Variants in GDNF observed in about 807,000 individuals in gnomAD.
The protein encoded by GDNF is glial cell line-derived neurotrophic factor.
GDNF carries 5 observed loss-of-function variants against 13.7 expected under a neutral mutation model. That is an observed-to-expected ratio of 0.36 (90% CI 0.19 to 0.77). GDNF has a LOEUF of 0.77. Among genes scored for constraint, GDNF ranks in the 30% least tolerant of loss-of-function variants. The pLI is 0.51. For synonymous variants in GDNF, 122 were observed against 112.5 expected, an observed-to-expected ratio of 1.08 and a Z score of -0.53; for missense variants, 246 against 274.3, an observed-to-expected ratio of 0.90 and a Z score of 0.73.
At chr5:37,817,621 G>GTGTT (rs1749980297) in intron 2 of GDNF, among the ~76,000 whole-genome samples, 1 of 151,846 alleles carries the variant, frequency 6.6e-6, no homozygotes, top group Admixed American at 6.6e-5. Context: ...GTGTGTGTGT[G>GTGTT]TGTGTGTGTA....
At chr5:37,833,471 A>G (rs1018401216) in intron 2 of GDNF, among the ~76,000 whole-genome samples, 8 of 152,198 alleles carry the variant, frequency 5.3e-5, no homozygotes, top group African/African-American at 1.7e-4. Context: ...TCCACTTTCT[A>G]TCTTTCTTGG....
At chr5:37,819,221 C>T (rs1239148530) in intron 2 of GDNF, among the ~76,000 whole-genome samples, 13 of 152,052 alleles carry the variant, frequency 8.5e-5, no homozygotes. Context: ...TGAAATGCTC[C>T]AAAGTAAACA....
chr5:37,818,726 A>G (rs1750018186), intron 2 of GDNF, among the ~76,000 whole-genome samples: 1 of 152,070 alleles, frequency 6.6e-6, no homozygotes, highest in Admixed American at 6.6e-5. Context: ...CTCTGCCTGG[A>G]CCCTTGGCCT....
In GDNF at chr5:37,815,421, TTCTC is replaced by T; in HGVS notation, c.*226_*229del. The T allele has an allele frequency of 1.7e-6, 1 of 581,358 alleles. No individual in the cohort carries two copies. Among genetic ancestry groups the T allele is most frequent in the South Asian group, 2.0e-5 (1 of 50,398 alleles). 36.0% of individuals were successfully genotyped at this position (581,358 alleles called of 1,614,324 possible). On this transcript the variant is annotated 3_prime_UTR_variant, in exon 3 of 3. Coordinates refer to ENST00000326524, the MANE Select transcript of GDNF (RefSeq NM_000514.4). The surrounding 1 kb of genome is among the most constrained non-coding windows in gnomAD (Gnocchi z 5.0). ...ATCCTGGAGAATCCAGAGGGCTGTT[TTCTC>T]TCTCTCCTGTCCAGTTGTCTGTAGC... is the stretch of plus-strand genomic sequence containing the variant.
At chr5:37,836,583 A>G (rs1409359508) in intron 1 of GDNF, among the ~76,000 whole-genome samples, 2 of 152,194 alleles carry the variant, frequency 1.3e-5, no homozygotes, top group African/African-American at 4.8e-5. Context: ...AGACACAGGA[A>G]AACTGCACCA....
At chr5:37,836,121 G>A (rs1448233479) in intron 1 of GDNF, among the ~76,000 whole-genome samples, 3 of 152,110 alleles carry the variant, frequency 2.0e-5, no homozygotes, top group Non-Finnish European at 4.4e-5. Flanking sequence ...CTCCTCAAGC[G>A]GAATCTGCGA....
chr5:37,837,818 C>T lies in GDNF; in HGVS notation c.-27+1689G>A, dbSNP rs923526607. Among the ~76,000 whole-genome samples, 13 of 152,214 alleles carry T rather than the reference C, an allele frequency of 8.5e-5. No homozygotes were observed. Among genetic ancestry groups the T allele is most frequent in the Admixed American group, 2.0e-4 (3 of 15,298 alleles). On this transcript the variant is annotated intron_variant, in intron 1 of 2. Coordinates refer to ENST00000326524, the MANE Select transcript of GDNF (RefSeq NM_000514.4). This position sits in a 1 kb window ranked among gnomAD's most constrained non-coding sequence, Gnocchi z 6.5. ...CCTGCTTTCAGACCATCCCTCACCCCTTCCACGCGTCACCGTGACAGATTC... is the reference window on the plus strand; with the variant it reads ...CCTGCTTTCAGACCATCCCTCACCCTTTCCACGCGTCACCGTGACAGATTC...
At chr5:37,827,777 C>G (rs1750379968) in intron 2 of GDNF, among the ~76,000 whole-genome samples, 1 of 152,140 alleles carries the variant, frequency 6.6e-6, no homozygotes. Flanking sequence ...TTTCCATGAA[C>G]TAAATAAACT....
chr5:37,834,910 C>CCTCGTCACCG, intron 1 of GDNF, 88 bp from the exon 2 acceptor site: 1 of 1,203,640 alleles, frequency 8.3e-7, no homozygotes, highest in Non-Finnish European at 1.2e-6. Context: ...CCCTCTCCAA[C>CCTCGTCACCG]CTCGTCACCG....
chr5:37,835,273 C>T lies in GDNF; in HGVS notation c.-26-451G>A, dbSNP rs940707502. On this transcript the variant is annotated intron_variant, in intron 1 of 2. Transcript: ENST00000326524. Reference sequence around the variant, plus strand: ...CCGGTAGCTCCTATAGGCCCCTGAACGAGCCCTCGGCCCAAGCAAGGACGG... The same window carrying T: ...CCGGTAGCTCCTATAGGCCCCTGAATGAGCCCTCGGCCCAAGCAAGGACGG... 7 of 395,030 alleles carry T rather than the reference C, an allele frequency of 1.8e-5. No homozygotes were observed. The Admixed American group carries it at 2.9e-4, about 16-fold the overall frequency. The allele number at this position is 395,030 out of a possible 1,614,324, so 24.5% of individuals were successfully genotyped here. A position where few individuals can be genotyped will look rare whatever the true frequency, so the allele number is the denominator to read the frequency against.
rs1045001510 is a variant in GDNF, at chr5:37,839,297, T to A, written c.-27+210A>T. 6.6e-6 allele frequency among the ~76,000 whole-genome samples: 1 copy of A among 152,188 alleles called. No individual in the cohort carries two copies. Among genetic ancestry groups the A allele is most frequent in the Non-Finnish European group, 1.5e-5 (1 of 68,026 alleles). ...CTTTGCCCACGTGGAAAAGGCAACA[T>A]GCCCCTCCGAAAGGCCGGCCTCTCT... On this transcript the variant is annotated intron_variant, in intron 1 of 2. Transcript: ENST00000326524. This position sits in a 1 kb window ranked among gnomAD's most constrained non-coding sequence, Gnocchi z 5.5.
chr5:37,826,957 T>C (rs540893714), intron 2 of GDNF, among the ~76,000 whole-genome samples: 8 of 152,128 alleles, frequency 5.3e-5, no homozygotes, highest in Non-Finnish European at 1.2e-4. Context: ...AACAAACTGA[T>C]ATTGGGCGCT....
At chr5:37,819,017 A>G (rs1750027450) in intron 2 of GDNF, among the ~76,000 whole-genome samples, 1 of 152,160 alleles carries the variant, frequency 6.6e-6, no homozygotes, top group African/African-American at 2.4e-5. Flanking sequence ...TCTTCTCTAA[A>G]AGAATGTCAA....
intron 2 of GDNF, among the ~76,000 whole-genome samples, chr5:37,827,190 A>G (rs770253212): frequency 8.5e-5 from 13 of 152,072 alleles, no homozygotes; most frequent in Non-Finnish European, 1.0e-4. Flanking sequence ...GTCAAATGCA[A>G]TTTATGGTCC....
chr5:37,827,360 T>C (rs1750363125), intron 2 of GDNF, among the ~76,000 whole-genome samples: 3 of 152,252 alleles, frequency 2.0e-5, no homozygotes, highest in Admixed American at 2.0e-4. Context: ...TCCTTGTTCT[T>C]AGAAGGTACA....
rs1255767583 is a variant in GDNF at position 37,815,499 on chromosome 5, C to T, written c.*152G>A. The T allele has an allele frequency of 3.1e-5, 22 of 713,594 alleles. No homozygotes were observed. Among genetic ancestry groups the T allele is most frequent in the Non-Finnish European group, 4.4e-5 (18 of 407,248 alleles). 44.2% of individuals were successfully genotyped at this position (713,594 alleles called of 1,614,324 possible). A position where few individuals can be genotyped will look rare whatever the true frequency, so the allele number is the denominator to read the frequency against. On this transcript the variant is annotated 3_prime_UTR_variant, in exon 3 of 3. Coordinates refer to ENST00000326524, the MANE Select transcript of GDNF (RefSeq NM_000514.4). This position sits in a 1 kb window ranked among gnomAD's most constrained non-coding sequence, Gnocchi z 5.0. ...CATGATGGCTGCCTTCCTCCTCCTC[C>T]TCCTCCTCCTCCTCCTCCTCCTCTT...
At chr5:37,816,808 A>G (rs755581396) in intron 2 of GDNF, among the ~76,000 whole-genome samples, 2 of 152,208 alleles carry the variant, frequency 1.3e-5, no homozygotes, top group African/African-American at 2.4e-5. Flanking sequence ...GTGGGACAAG[A>G]ACCATTCTGA....
chr5:37,823,442 G>A (rs529434688), intron 2 of GDNF: 1 of 152,312 alleles, frequency 6.6e-6, no homozygotes, highest in East Asian at 1.9e-4. Context: ...AGATCCTAAA[G>A]TTAGGCTGCC....
chr5:37,827,602 T>C (rs1750373634), intron 2 of GDNF, among the ~76,000 whole-genome samples: 1 of 152,236 alleles, frequency 6.6e-6, no homozygotes, highest in Non-Finnish European at 1.5e-5. Flanking sequence ...GTGCTTTCTT[T>C]GCTTATCTGA....
Sources: gnomAD v4.1 joint callset for allele counts (sites outside exome capture counted in the v4.1 genomes callset) on GRCh38, gnomAD v4.1.1 for gene constraint, Gnocchi (gnomAD v3.1) non-coding constraint, MANE v1.5 for transcripts, NCBI Gene and HGNC (gene_info 2026-07-23, HGNC 2026-07-21) for gene names.